RNF144A: variants seen among roughly 807,000 people sequenced by gnomAD.
RNF144A encodes the protein E3 ubiquitin-protein ligase RNF144A.
Under a neutral mutation model 38.7 loss-of-function variants are expected in RNF144A, and 11 were observed. The ratio of observed to expected loss-of-function variants is 0.28; its 90% CI spans 0.18 to 0.47. The LOEUF is 0.47. RNF144A is among the 20% of genes least tolerant of loss of function. RNF144A has a pLI of 0.99. For missense variants in RNF144A, 316 were observed against 377.2 expected, an observed-to-expected ratio of 0.84 and a Z score of 1.34; for synonymous variants, 149 against 143.9, an observed-to-expected ratio of 1.04 and a Z score of -0.25.
chr2:6,949,286 T>C (rs1010247397), intron 2 of RNF144A, among the ~76,000 whole-genome samples: 5 of 152,100 alleles, frequency 3.3e-5, no homozygotes, highest in Admixed American at 6.5e-5. Flanking sequence ...AGGAGGTTTG[T>C]ATATAAATGT....
intron 3 of RNF144A, among the ~76,000 whole-genome samples, chr2:7,009,791 G>T (rs1670676405): frequency 6.6e-6 from 1 of 152,184 alleles, no homozygotes; most frequent in African/African-American, 2.4e-5. Context: ...TCCAGCCTGT[G>T]CTGAGGACCC....
At chr2:6,939,940 T>C (rs1665861122) in intron 1 of RNF144A, among the ~76,000 whole-genome samples, 2 of 152,196 alleles carry the variant, frequency 1.3e-5, no homozygotes, top group African/African-American at 4.8e-5. Flanking sequence ...ACTATTACAC[T>C]ATCTTGATTA....
At chr2:6,974,018 T>G (rs1668153299) in intron 2 of RNF144A, among the ~76,000 whole-genome samples, 1 of 152,168 alleles carries the variant, frequency 6.6e-6, no homozygotes, top group African/African-American at 2.4e-5. Flanking sequence ...GATGTGGAAA[T>G]TAAGAGTAAG....
chr2:7,004,483 G>C (rs1435336315), intron 3 of RNF144A, among the ~76,000 whole-genome samples: 1 of 152,184 alleles, frequency 6.6e-6, no homozygotes, highest in Non-Finnish European at 1.5e-5. Flanking sequence ...CACCAGATCA[G>C]ATGGCCAAGA....
intron 2 of RNF144A, among the ~76,000 whole-genome samples, chr2:6,982,744 C>T (rs1248043566): frequency 1.3e-5 from 2 of 152,184 alleles, no homozygotes; most frequent in African/African-American, 2.4e-5. Context: ...GGCCAGTGTG[C>T]TTTGGAGAAC....
intron 6 of RNF144A, among the ~76,000 whole-genome samples, chr2:7,063,228 C>G (rs1674049650): frequency 1.3e-5 from 2 of 152,208 alleles, no homozygotes; most frequent in African/African-American, 4.8e-5. Flanking sequence ...GAAAAGAGGA[C>G]ATATTTAAGA....
chr2:7,048,097 A>G (rs1037662050), downstream of RNF144A, among the ~76,000 whole-genome samples: 1 of 152,182 alleles, frequency 6.6e-6, no homozygotes, highest in Non-Finnish European at 1.5e-5. Context: ...GAAGAAACCC[A>G]GTCCTGTCTG....
At chr2:7,069,347 G>C (rs985817752), downstream of RNF144A, among the ~76,000 whole-genome samples, 1 of 152,180 alleles carries the variant, frequency 6.6e-6, no homozygotes, top group Non-Finnish European at 1.5e-5. Context: ...ATCCTATTTT[G>C]AGAACAAGCT....
At chr2:6,949,226 T>C (rs905545422) in intron 2 of RNF144A, among the ~76,000 whole-genome samples, 3 of 152,306 alleles carry the variant, frequency 2.0e-5, no homozygotes, top group African/African-American at 7.2e-5. Flanking sequence ...CTGTTAAACA[T>C]TTCTTCACTA....
At chr2:6,950,548 C>G (rs1002580353) in intron 2 of RNF144A, among the ~76,000 whole-genome samples, 1 of 152,076 alleles carries the variant, frequency 6.6e-6, no homozygotes, top group Non-Finnish European at 1.5e-5. Flanking sequence ...TGATTATATA[C>G]CAAGGAAGAG....
chr2:6,960,263 A>G (rs1667256416), intron 2 of RNF144A, among the ~76,000 whole-genome samples: 1 of 152,210 alleles, frequency 6.6e-6, no homozygotes, highest in Non-Finnish European at 1.5e-5. Flanking sequence ...TGCCTTTGGC[A>G]TGGAATCTTC....
chr2:6,937,676 C>T (rs1665676615), intron 1 of RNF144A, among the ~76,000 whole-genome samples: 1 of 152,272 alleles, frequency 6.6e-6, no homozygotes, highest in African/African-American at 2.4e-5. Context: ...GAATGGATAT[C>T]TAGATGCTGC....
downstream of RNF144A, chr2:7,068,291 T>C (rs1869297): frequency 0.24 from 309,615 of 1,267,198 alleles, 41,985 homozygotes; most frequent in East Asian, 0.5. Context: ...GGGTTGTTTA[T>C]AACACATTTT....
chr2:7,061,234 C>A (rs1673942042), intron 6 of RNF144A, among the ~76,000 whole-genome samples: 3 of 152,164 alleles, frequency 2.0e-5, no homozygotes, highest in Admixed American at 2.0e-4. Context: ...GACAACTCAC[C>A]CCAAACTCAT....
At chr2:6,924,326 C>A (rs1664728594) in intron 1 of RNF144A, among the ~76,000 whole-genome samples, 1 of 152,246 alleles carries the variant, frequency 6.6e-6, no homozygotes. Flanking sequence ...CTGTGCGATG[C>A]ACGGGAAGCA....
At chr2:6,995,544 C>T (rs1572361677) in intron 2 of RNF144A, among the ~76,000 whole-genome samples, 1 of 152,282 alleles carries the variant, frequency 6.6e-6, no homozygotes, top group Middle Eastern at 3.4e-3. Flanking sequence ...AGGGAACTGA[C>T]AGTACAGCCC....
At chr2:6,970,773 AC>A (rs1667957729) in intron 2 of RNF144A, among the ~76,000 whole-genome samples, 1 of 152,156 alleles carries the variant, frequency 6.6e-6, no homozygotes, top group African/African-American at 2.4e-5. Context: ...AGTGACTTGC[AC>A]CTGCTTTCTG....
chr2:6,988,408 C>A (rs954924284), intron 2 of RNF144A, among the ~76,000 whole-genome samples: 2 of 152,200 alleles, frequency 1.3e-5, no homozygotes, highest in Non-Finnish European at 2.9e-5. Flanking sequence ...TCCTTAGAGT[C>A]CTCTCCACTG....
At chr2:7,051,458 G>A (rs1266336009) in intron 6 of RNF144A, among the ~76,000 whole-genome samples, 1 of 152,212 alleles carries the variant, frequency 6.6e-6, no homozygotes, top group Non-Finnish European at 1.5e-5. Context: ...CTACGCCACG[G>A]TAGCTGCATG....
Sources: gnomAD v4.1 joint callset for allele counts (sites outside exome capture counted in the v4.1 genomes callset) on GRCh38, gnomAD v4.1.1 for gene constraint, MANE v1.5 for transcripts, NCBI Gene and HGNC (gene_info 2026-07-23, HGNC 2026-07-21) for gene names.